NIN: variants seen among roughly 807,000 people sequenced by gnomAD.
The protein encoded by NIN is glycogen synthase kinase 3 beta-interacting protein.
A neutral mutation model predicts 257.6 loss-of-function variants in NIN; 137 were observed. That is an observed-to-expected ratio of 0.53 (90% confidence interval 0.46 to 0.61). The LOEUF is 0.61. Ranked by LOEUF, NIN falls within the 20% of genes least tolerant of loss-of-function variation. NIN has a pLI of 0.00. For synonymous variants in NIN, 918 were observed against 919.8 expected, an observed-to-expected ratio of 1.00 and a Z score of 0.04; for missense variants, 2,439 against 2,501.2, an observed-to-expected ratio of 0.98 and a Z score of 0.53.
chr14:50,811,253 C>T lies in NIN; in HGVS notation c.184-4435G>A, dbSNP rs890882902. On this transcript the variant is annotated intron_variant, in intron 3 of 30. Coordinates refer to ENST00000530997, the MANE Select transcript of NIN (RefSeq NM_020921.4). ...CCTCATGAGTAGCTGGGATTACAGGCGCCCACCACCACGCCCAGCTAATTT... is the reference window on the plus strand; with the variant it reads ...CCTCATGAGTAGCTGGGATTACAGGTGCCCACCACCACGCCCAGCTAATTT... 9.2e-5 allele frequency among the ~76,000 whole-genome samples: 14 copies of T among 151,730 alleles called. No individual in the cohort carries two copies. In the South Asian group the frequency reaches 1.5e-3, roughly 16 times the overall value.
intron 28 of NIN, among the ~76,000 whole-genome samples, chr14:50,732,519 G>A (rs2040766012): frequency 6.6e-6 from 1 of 152,126 alleles, no homozygotes; most frequent in Admixed American, 6.5e-5. Flanking sequence ...TGGAAGGAGT[G>A]GTAATGGTTG....
Position 50,755,024 on chromosome 14 carries a change from C to T in NIN, c.4539-157G>A, listed in dbSNP as rs529857966. 3.3e-5 allele frequency among the ~76,000 whole-genome samples: 5 copies of T among 152,316 alleles called. No individual in the cohort carries two copies. The South Asian group carries it at 1.0e-3, about 32-fold the overall frequency. On this transcript the variant is annotated intron_variant, in intron 18 of 30. Coordinates refer to ENST00000530997, the MANE Select transcript of NIN (RefSeq NM_020921.4). Reference sequence around the variant, plus strand: ...TTAGTATTTGGAAATCGAGTTATGACATATTGACACATTTCTTTTGGGAAG... The same window carrying T: ...TTAGTATTTGGAAATCGAGTTATGATATATTGACACATTTCTTTTGGGAAG...
At position 50,757,103 on chromosome 14, in the gene NIN, CTT is replaced by C. The variant is rs774430739; in HGVS notation, c.3925_3926del (p.Lys1309GlufsTer4). 2 of 1,612,886 alleles carry C rather than the reference CTT, an allele frequency of 1.2e-6. No individual in the cohort carries two copies. Among genetic ancestry groups the C allele is most frequent in the Non-Finnish European group, 1.7e-6 (2 of 1,179,600 alleles). On this transcript the variant is annotated frameshift_variant, in exon 18 of 31. Transcript: ENST00000530997. LOFTEE classifies it high-confidence loss of function. ...TTTCTATTTTGACCTCATCGTAACT[CTT>C]TTCCAGGCTGAGGAATGTTTCAGTG... ...EVTETFLSLEKSYDEVKIENE... is the reference protein window; with the variant it reads ...EVTETFLSLEXSYDEVKIENE...
At chr14:50,780,997 C>G (rs2043113500) in intron 5 of NIN, among the ~76,000 whole-genome samples, 1 of 152,126 alleles carries the variant, frequency 6.6e-6, no homozygotes, top group Non-Finnish European at 1.5e-5. Flanking sequence ...ATTCTCATTT[C>G]TGGTCAGAAT....
chr14:50,780,182 C>A (rs1264291619), intron 5 of NIN, among the ~76,000 whole-genome samples: 2 of 152,238 alleles, frequency 1.3e-5, no homozygotes, highest in African/African-American at 4.8e-5. Context: ...CTCCAGCAAA[C>A]TGCCTAAAAC....
rs764501059 is a variant in NIN at position 50,757,970 on chromosome 14, C to T, written c.3060G>A (p.Lys1020=). ...TEISRLQSKI[K]EMQQATSPLS... The stretch of plus-strand genomic sequence containing the variant: ...GAGGAGATGTTGCCTGCTGCATTTC[C>T]TTTATTTTACTCTGAAGTCTGGAGA... Residue 1020 remains lysine (K), a synonymous_variant, in exon 18 of 31, where the codon AAG becomes AAA. Coordinates refer to ENST00000530997, the MANE Select transcript of NIN (RefSeq NM_020921.4). 12 of 1,614,112 alleles carry T rather than the reference C, an allele frequency of 7.4e-6. No homozygotes were observed. Among genetic ancestry groups the T allele is most frequent in the East Asian group, 2.2e-5 (1 of 44,898 alleles).
chr14:50,727,489 C>CACAAGATCTGTCATTT (rs747673553), intron 29 of NIN: 941 of 1,188,410 alleles, frequency 7.9e-4, no homozygotes, highest in Non-Finnish European at 9.5e-4. Context: ...GAATTTGATT[C>CACAAGATCTGTCATTT]ACAAGATCTG....
Position 50,792,721 on chromosome 14 carries a change from G to T in NIN, c.426C>A (p.Asp142Glu). The change falls in exon 5 of 31, where the codon GAC (aspartate) becomes GAA (glutamate). Residue 142 changes from aspartate (D) to glutamate (E), a missense_variant. This residue lies in a region of NIN where 387 missense variants were observed against 427.3 expected (regional missense o/e 0.91). Coordinates refer to ENST00000530997, the MANE Select transcript of NIN (RefSeq NM_020921.4). ...ATGCCCGATTCCTTACCTCACTGCAGTCACCGGCTGGGATGTGTGAAGGCC... is the reference window on the plus strand; with the variant it reads ...ATGCCCGATTCCTTACCTCACTGCATTCACCGGCTGGGATGTGTGAAGGCC... ...EARPSHIPAGDCSEHWKTQRS... is the reference protein window; with the variant it reads ...EARPSHIPAGECSEHWKTQRS... 1 of 1,614,166 alleles carries T rather than the reference G, an allele frequency of 6.2e-7. No homozygotes were observed. Among genetic ancestry groups the T allele is most frequent in the Non-Finnish European group, 8.5e-7 (1 of 1,180,034 alleles).
intron 29 of NIN, 96 bp from the exon 30 acceptor site, chr14:50,726,162 G>A (rs1285554171): frequency 2.1e-6 from 2 of 960,284 alleles, no homozygotes; most frequent in East Asian, 2.5e-5. Context: ...GACAGCAAAT[G>A]TTTTGCCTTT....
chr14:50,783,959 G>T (rs76080877), intron 5 of NIN, among the ~76,000 whole-genome samples: 1 of 152,040 alleles, frequency 6.6e-6, no homozygotes, highest in Admixed American at 6.5e-5. Flanking sequence ...AAGTAGGGGG[G>T]AAAGCGAGGA....
intron 24 of NIN, among the ~76,000 whole-genome samples, chr14:50,742,920 G>C (rs1326000804): frequency 6.6e-6 from 1 of 151,956 alleles, no homozygotes; most frequent in Non-Finnish European, 1.5e-5. Flanking sequence ...AAATTATTTT[G>C]CTGCAATGTT....
At chr14:50,799,741 C>A (rs150166886) in intron 4 of NIN, among the ~76,000 whole-genome samples, 3 of 151,946 alleles carry the variant, frequency 2.0e-5, no homozygotes, top group Admixed American at 2.0e-4. Flanking sequence ...CAGCACTTTG[C>A]GAGGCTGAGC....
intron 7 of NIN, among the ~76,000 whole-genome samples, chr14:50,774,897 G>A (rs1292846621): frequency 6.6e-6 from 1 of 151,830 alleles, no homozygotes; most frequent in African/African-American, 2.4e-5. Flanking sequence ...GCCAACTGGG[G>A]CACGCTCTAC....
rs375317184 is a variant in NIN at position 50,771,385 on chromosome 14, G to A, written c.1065C>T (p.Asn355=). 7 of 1,614,056 alleles carry A rather than the reference G, an allele frequency of 4.3e-6. No homozygotes were observed. The highest frequency in any genetic ancestry group is 5.9e-6 in the Non-Finnish European group (7 of 1,180,036). The change falls in exon 10 of 31, where the codon AAC becomes AAT. Residue 355 remains asparagine, a synonymous_variant. Coordinates refer to ENST00000530997, the MANE Select transcript of NIN (RefSeq NM_020921.4). Reference sequence around the variant, plus strand: ...TGGCCAGAGCCGCCTGGTGAATGCTGTTCTTGGTAACCAAAAGTTCATTTT... The same window carrying A: ...TGGCCAGAGCCGCCTGGTGAATGCTATTCTTGGTAACCAAAAGTTCATTTT... ...ALENELLVTK[N]SIHQAALASF... is the part of the protein sequence containing the mutation.
At chr14:50,815,908 C>T (rs1316865156) in intron 3 of NIN, among the ~76,000 whole-genome samples, 1 of 152,100 alleles carries the variant, frequency 6.6e-6, no homozygotes, top group African/African-American at 2.4e-5. Context: ...ACTCGGGAGG[C>T]TGAGGCAGAA....
chr14:50,762,155 G>T (rs191493766), intron 15 of NIN, among the ~76,000 whole-genome samples: 9 of 152,272 alleles, frequency 5.9e-5, no homozygotes, highest in Non-Finnish European at 1.2e-4. Flanking sequence ...AACCTTAATA[G>T]AATCCATCTC....
chr14:50,760,831 C>T (rs1293921556), intron 16 of NIN, among the ~76,000 whole-genome samples: 1 of 152,098 alleles, frequency 6.6e-6, no homozygotes, highest in East Asian at 1.9e-4. Context: ...CACCACCGTG[C>T]CCTAATTTTT....
At chr14:50,819,980 T>C (rs1456745768) in intron 3 of NIN, among the ~76,000 whole-genome samples, 1 of 152,190 alleles carries the variant, frequency 6.6e-6, no homozygotes, top group Non-Finnish European at 1.5e-5. Flanking sequence ...TTATGGACCA[T>C]ATAGAGTATC....
chr14:50,767,787 AG>A (rs1470740129), intron 12 of NIN, among the ~76,000 whole-genome samples: 4 of 151,246 alleles, frequency 2.6e-5, no homozygotes, highest in Non-Finnish European at 5.9e-5. Flanking sequence ...ACTGCACTCC[AG>A]CCTGGGCGAC....
Sources: gnomAD v4.1 joint callset for allele counts (sites outside exome capture counted in the v4.1 genomes callset) on GRCh38, gnomAD v4.1.1 for gene constraint, gnomAD v4.1.1 regional missense constraint, MANE v1.5 for transcripts, NCBI Gene and HGNC (gene_info 2026-07-23, HGNC 2026-07-21) for gene names.